CLDN8: variants seen among roughly 807,000 people sequenced by gnomAD.
The protein encoded by CLDN8 is claudin 8.
Under a neutral mutation model 2.2 loss-of-function variants are expected in CLDN8, and 2 were observed. The observed-to-expected ratio is 0.90, with a 90% CI of 0.37 to 2.82. CLDN8 has a LOEUF of 2.82. Among genes scored for constraint, CLDN8 ranks in the 30% most tolerant of loss-of-function variants. The pLI is 0.10. For missense variants in CLDN8, 314 were observed against 280.5 expected, an observed-to-expected ratio of 1.12 and a Z score of -0.85; for synonymous variants, 107 against 104.8, an observed-to-expected ratio of 1.02 and a Z score of -0.13.
At position 30,215,962 on chromosome 21, in the gene CLDN8, G is replaced by C. The variant is rs762573797; in HGVS notation, c.-37C>G. The C allele has an allele frequency of 3.3e-6, 5 of 1,530,612 alleles. No homozygotes were observed. Among genetic ancestry groups the C allele is most frequent in the Non-Finnish European group, 3.5e-6 (4 of 1,130,522 alleles). 94.8% of individuals were successfully genotyped at this position (1,530,612 alleles called of 1,614,324 possible). The stretch of plus-strand genomic sequence containing the variant: ...ATGAGTTTTAGCCAGCTGGACTCCG[G>C]AACTGCTACTTCTGCTTTGAAGCAG... On this transcript the variant is annotated 5_prime_UTR_variant, in exon 1 of 1. Transcript: ENST00000399899.
At position 30,214,013 on chromosome 21, in the gene CLDN8, A is replaced by C. The variant is rs556041936; in HGVS notation, c.*1235T>G. The C allele has an allele frequency of 1.4e-3, 217 of 152,264 alleles. No individual in the cohort carries two copies. The highest frequency in any genetic ancestry group is 4.9e-3 in the African/African-American group (205 of 41,586). The allele number at this position is 152,264 out of a possible 1,614,324, so 9.4% of individuals were successfully genotyped here. A position where few individuals can be genotyped will look rare whatever the true frequency, so the allele number is the denominator to read the frequency against. On this transcript the variant is annotated 3_prime_UTR_variant, in exon 1 of 1. Coordinates refer to ENST00000399899, the MANE Select transcript of CLDN8 (RefSeq NM_199328.3). ...GAGACTTGTGAAAGAATGTCAAATA[A>C]TTAGAAAAATGTACAATTTATTAAT...
chr21:30,215,663 GAAGC>G lies in CLDN8; in HGVS notation c.259_262del (p.Ala87ProfsTer2), dbSNP rs1978951021. The G allele has an allele frequency of 6.2e-7, 1 of 1,614,012 alleles. No individual in the cohort carries two copies. The stretch of plus-strand genomic sequence containing the variant: ...CATGAAAGCCAAGAAGGACATCACG[GAAGC>G]AGCACACATCAGTCCTCTGGCTGCC... On this transcript the variant is annotated frameshift_variant, in exon 1 of 1. Transcript: ENST00000399899. LOFTEE classifies it low-confidence loss of function (END_TRUNC).
rs763174117 is a variant in CLDN8, at chr21:30,215,635, C to T, written c.291G>A (p.Met97Ile). Residue 97 changes from methionine to isoleucine, a missense_variant, in exon 1 of 1, where the codon ATG (methionine) becomes ATA (isoleucine). Coordinates refer to ENST00000399899, the MANE Select transcript of CLDN8 (RefSeq NM_199328.3). ...TGGTGCATTTCATGCCAAGGATGGC[C>T]ATCATGAAAGCCAAGAAGGACATCA... ...ASVMSFLAFMMAILGMKCTRC... is the reference protein window; with the variant it reads ...ASVMSFLAFMIAILGMKCTRC... The T allele has an allele frequency of 6.2e-7, 1 of 1,614,052 alleles. No homozygotes were observed. The highest frequency in any genetic ancestry group is 2.2e-5 in the East Asian group (1 of 44,866).
Position 30,215,340 on chromosome 21 carries a change from T to C in CLDN8, c.586A>G (p.Arg196Gly). The C allele has an allele frequency of 6.2e-7, 1 of 1,614,184 alleles. No individual in the cohort carries two copies. Among genetic ancestry groups the C allele is most frequent in the Non-Finnish European group, 8.5e-7 (1 of 1,180,014 alleles). Residue 196 changes from arginine to glycine, a missense_variant, in exon 1 of 1, where the codon AGA (arginine) becomes GGA (glycine). By Grantham distance (125) the Arg-to-Gly change is moderately radical. Coordinates refer to ENST00000399899, the MANE Select transcript of CLDN8 (RefSeq NM_199328.3). ...GTGCGATGGGAAGGTATCGAGTATC[T>C]GTAGCTACTGCTCTTTTCGTTGCAA... ...FCCNEKSSSY[R>G]YSIPSHRTTQ...
At position 30,215,737 on chromosome 21, in the gene CLDN8, C is replaced by A; in HGVS notation, c.189G>T (p.Gln63His). 1 of 1,614,118 alleles carries A rather than the reference C, an allele frequency of 6.2e-7. No individual in the cohort carries two copies. The highest frequency in any genetic ancestry group is 1.3e-5 in the African/African-American group (1 of 75,014). Residue 63 changes from glutamine (Q) to histidine (H), a missense_variant, in exon 1 of 1, where the codon CAG (glutamine) becomes CAT (histidine). By Grantham distance (24) the Gln-to-His change is conservative (BLOSUM62 0). Coordinates refer to ENST00000399899, the MANE Select transcript of CLDN8 (RefSeq NM_199328.3). ...NCVRQANIRM[Q>H]CKIYDSLLAL... ...CCAGCAGGGAATCATAGATTTTGCA[C>A]TGCATCCTGATGTTAGCCTGCCTCA...
chr21:30,215,304 T>G lies in CLDN8; in HGVS notation c.622A>C (p.Ser208Arg). The change falls in exon 1 of 1, where the codon AGT becomes CGT. Residue 208 changes from serine (S) to arginine (R), a missense_variant. Coordinates refer to ENST00000399899, the MANE Select transcript of CLDN8 (RefSeq NM_199328.3). ...GGTGACTTCTTTCCGGTGTGATAAC[T>G]TTTTTGGGTTGTGCGATGGGAAGGT... ...SIPSHRTTQK[S>R]YHTGKKSPSV... is the part of the protein sequence containing the mutation. 1 of 1,614,130 alleles carries G rather than the reference T, an allele frequency of 6.2e-7. No individual in the cohort carries two copies. The highest frequency in any genetic ancestry group is 8.5e-7 in the Non-Finnish European group (1 of 1,179,970).
Position 30,215,705 on chromosome 21 carries a change from G to GA in CLDN8, c.220dup (p.Ser74PhefsTer39). Reference sequence around the variant, plus strand: ...TCCTCTGGCTGCCTGTAGGTCCGGAGAAAGAGCCAGCAGGGAATCATAGAT... The same window carrying GA: ...TCCTCTGGCTGCCTGTAGGTCCGGAGAAAAGAGCCAGCAGGGAATCATAGAT... On this transcript the variant is annotated frameshift_variant, in exon 1 of 1. Transcript: ENST00000399899. LOFTEE classifies it low-confidence loss of function (END_TRUNC). 6.2e-7 allele frequency: 1 copy of GA among 1,614,112 alleles called. No homozygotes were observed. The highest frequency in any genetic ancestry group is 8.5e-7 in the Non-Finnish European group (1 of 1,180,008).
At position 30,215,863 on chromosome 21, in the gene CLDN8, T is replaced by A; in HGVS notation, c.63A>T (p.Thr21=). The change falls in exon 1 of 1, where the codon ACA becomes ACT. Residue 21 remains threonine, a synonymous_variant. Transcript: ENST00000399899. ...LFLGGVGMVG[T]VAVTVMPQWR... Reference sequence around the variant, plus strand: ...ACTGAGGCATGACAGTGACAGCCACTGTGCCCACCATTCCAACACCACCAA... The same window carrying A: ...ACTGAGGCATGACAGTGACAGCCACAGTGCCCACCATTCCAACACCACCAA... 1 of 1,613,988 alleles carries A rather than the reference T, an allele frequency of 6.2e-7. No individual in the cohort carries two copies. Among genetic ancestry groups the A allele is most frequent in the African/African-American group, 1.3e-5 (1 of 75,036 alleles).
Position 30,215,380 on chromosome 21 carries a change from G to A in CLDN8, c.546C>T (p.Phe182=), listed in dbSNP as rs897788554. 6.2e-7 allele frequency: 1 copy of A among 1,614,022 alleles called. No individual in the cohort carries two copies. The highest frequency in any genetic ancestry group is 1.7e-5 in the Admixed American group (1 of 60,002). The change falls in exon 1 of 1, where the codon TTC becomes TTT. Residue 182 remains phenylalanine (F), a synonymous_variant. Coordinates refer to ENST00000399899, the MANE Select transcript of CLDN8 (RefSeq NM_199328.3). ...TTTCGTTGCAACAAAAAACGCAGCAGAACAGAGCTCCTCCAACAATCAGCA... is the reference window on the plus strand; with the variant it reads ...TTTCGTTGCAACAAAAAACGCAGCAAAACAGAGCTCCTCCAACAATCAGCA... ...ALVLIVGGAL[F]CCVFCCNEKS... is the part of the protein sequence containing the mutation.
Position 30,215,451 on chromosome 21 carries a change from G to T in CLDN8, c.475C>A (p.Arg159Ser). 1.2e-6 allele frequency: 2 copies of T among 1,613,972 alleles called. No individual in the cohort carries two copies. The highest frequency in any genetic ancestry group is 1.7e-6 in the Non-Finnish European group (2 of 1,179,942). Reference sequence around the variant, plus strand: ...AAGTAGAGAGCTTCTCCAAGCTCACGTTTTTGGGCAACATTCACTATTGAG... The same window carrying T: ...AAGTAGAGAGCTTCTCCAAGCTCACTTTTTTGGGCAACATTCACTATTGAG... ...YNSIVNVAQK[R>S]ELGEALYLGW... The change falls in exon 1 of 1, where the codon CGT becomes AGT. Residue 159 changes from arginine (R) to serine (S), a missense_variant. Coordinates refer to ENST00000399899, the MANE Select transcript of CLDN8 (RefSeq NM_199328.3).
At position 30,215,278 on chromosome 21, in the gene CLDN8, C is replaced by T. The variant is rs758781407; in HGVS notation, c.648G>A (p.Pro216=). ...CATACTGACTTCTGGAGTAGACGCT[C>T]GGTGACTTCTTTCCGGTGTGATAAC... ...QKSYHTGKKS[P]SVYSRSQYV is the part of the protein sequence containing the mutation. Residue 216 remains proline (P), a synonymous_variant, in exon 1 of 1, where the codon CCG becomes CCA. Transcript: ENST00000399899. 7 of 1,613,842 alleles carry T rather than the reference C, an allele frequency of 4.3e-6. No homozygotes were observed. The highest frequency in any genetic ancestry group is 2.2e-5 in the East Asian group (1 of 44,876).
Position 30,214,548 on chromosome 21 carries a change from C to G in CLDN8, c.*700G>C, listed in dbSNP as rs952182868. The G allele has an allele frequency of 6.6e-6, 1 of 151,934 alleles. No individual in the cohort carries two copies. The highest frequency in any genetic ancestry group is 1.5e-5 in the Non-Finnish European group (1 of 67,976). 9.4% of individuals were successfully genotyped at this position (151,934 alleles called of 1,614,324 possible). On this transcript the variant is annotated 3_prime_UTR_variant, in exon 1 of 1. Coordinates refer to ENST00000399899, the MANE Select transcript of CLDN8 (RefSeq NM_199328.3). ...GAAAAGCAGTTTGAATGCAAAGCCC[C>G]TTGACAAAATATCTGCTTTTTAAAA... is the stretch of plus-strand genomic sequence containing the variant.
Position 30,216,080 on chromosome 21 carries a change from G to A in CLDN8, c.-155C>T, listed in dbSNP as rs1428390580. On this transcript the variant is annotated 5_prime_UTR_variant, in exon 1 of 1. Coordinates refer to ENST00000399899, the MANE Select transcript of CLDN8 (RefSeq NM_199328.3). Reference sequence around the variant, plus strand: ...AAATAAGAGCTGCTTTGCTACTTCTGGCCAGATAGTATCCAGTGCTGGCTG... The same window carrying A: ...AAATAAGAGCTGCTTTGCTACTTCTAGCCAGATAGTATCCAGTGCTGGCTG... 1.5e-6 allele frequency: 1 copy of A among 684,390 alleles called. No individual in the cohort carries two copies. Among genetic ancestry groups the A allele is most frequent in the Non-Finnish European group, 2.5e-6 (1 of 405,900 alleles). The allele number at this position is 684,390 out of a possible 1,614,324, so 42.4% of individuals were successfully genotyped here.
In CLDN8 at chr21:30,216,087, TAG is replaced by T; in HGVS notation, c.-164_-163del. 3.1e-6 allele frequency: 2 copies of T among 648,156 alleles called. No individual in the cohort carries two copies. Among genetic ancestry groups the T allele is most frequent in the South Asian group, 4.3e-5 (2 of 46,972 alleles). The allele number at this position is 648,156 out of a possible 1,614,324, so 40.2% of individuals were successfully genotyped here. Reference sequence around the variant, plus strand: ...AGCTGCTTTGCTACTTCTGGCCAGATAGTATCCAGTGCTGGCTGGCTGAGATG... The same window carrying T: ...AGCTGCTTTGCTACTTCTGGCCAGATTATCCAGTGCTGGCTGGCTGAGATG... On this transcript the variant is annotated 5_prime_UTR_variant, in exon 1 of 1. Coordinates refer to ENST00000399899, the MANE Select transcript of CLDN8 (RefSeq NM_199328.3).
rs905798069 is a variant in CLDN8, at chr21:30,214,249, G to A, written c.*999C>T. The A allele has an allele frequency of 1.3e-5, 2 of 152,140 alleles. No homozygotes were observed. The highest frequency in any genetic ancestry group is 2.9e-5 in the Non-Finnish European group (2 of 68,002). 9.4% of individuals were successfully genotyped at this position (152,140 alleles called of 1,614,324 possible). ...CAATTTTGACTCAGGTACCCACATA[G>A]GAGCAGGTGAAGTTCTCAAAGGACA... On this transcript the variant is annotated 3_prime_UTR_variant, in exon 1 of 1. Transcript: ENST00000399899.
At position 30,215,803 on chromosome 21, in the gene CLDN8, C is replaced by G. The variant is rs748525098; in HGVS notation, c.123G>C (p.Val41=). ...RVSAFIENNI[V]VFENFWEGLW... is the part of the protein sequence containing the mutation. ...GTCCTTCCCAGAAGTTTTCAAAAAC[C>G]ACGATGTTGTTTTCAATGAAGGCCG... Residue 41 remains valine, a synonymous_variant, in exon 1 of 1, where the codon GTG becomes GTC. Coordinates refer to ENST00000399899, the MANE Select transcript of CLDN8 (RefSeq NM_199328.3). 6.2e-7 allele frequency: 1 copy of G among 1,613,954 alleles called. No individual in the cohort carries two copies. The highest frequency in any genetic ancestry group is 8.5e-7 in the Non-Finnish European group (1 of 1,179,984).
At position 30,215,899 on chromosome 21, in the gene CLDN8, A is replaced by G; in HGVS notation, c.27T>C (p.Ala9=). MATHALEI[A]GLFLGGVGMV... is the part of the protein sequence containing the mutation. ...TTCCAACACCACCAAGAAACAGCCC[A>G]GCGATTTCTAAGGCATGGGTTGCCA... Residue 9 remains alanine, a synonymous_variant, in exon 1 of 1, where the codon GCT becomes GCC. Coordinates refer to ENST00000399899, the MANE Select transcript of CLDN8 (RefSeq NM_199328.3). 6.2e-7 allele frequency: 1 copy of G among 1,609,280 alleles called. No individual in the cohort carries two copies. The highest frequency in any genetic ancestry group is 1.7e-5 in the Admixed American group (1 of 59,396).
In CLDN8 at chr21:30,214,359, A is replaced by G. The variant is rs1036989859; in HGVS notation, c.*889T>C. 6.6e-6 allele frequency: 1 copy of G among 152,148 alleles called. No homozygotes were observed. Among genetic ancestry groups the G allele is most frequent in the African/African-American group, 2.4e-5 (1 of 41,462 alleles). 9.4% of individuals were successfully genotyped at this position (152,148 alleles called of 1,614,324 possible). On this transcript the variant is annotated 3_prime_UTR_variant, in exon 1 of 1. Transcript: ENST00000399899. Reference sequence around the variant, plus strand: ...CTTTTATTTATATTGATGAAACCTCAAAGTCTGTACTCAAATACTTATTAA... The same window carrying G: ...CTTTTATTTATATTGATGAAACCTCGAAGTCTGTACTCAAATACTTATTAA...
At position 30,214,990 on chromosome 21, in the gene CLDN8, T is replaced by A. The variant is rs1601033099; in HGVS notation, c.*258A>T. On this transcript the variant is annotated 3_prime_UTR_variant, in exon 1 of 1. Coordinates refer to ENST00000399899, the MANE Select transcript of CLDN8 (RefSeq NM_199328.3). The stretch of plus-strand genomic sequence containing the variant: ...TTTAGCAATGTCATTTTGAAGTAAA[T>A]GATAAAAAGAGTAGATGCTTGAACC... 2.8e-5 allele frequency: 12 copies of A among 421,662 alleles called. No individual in the cohort carries two copies. The East Asian group carries it at 4.9e-4, about 17-fold the overall frequency. 26.1% of individuals were successfully genotyped at this position (421,662 alleles called of 1,614,324 possible). A position where few individuals can be genotyped will look rare whatever the true frequency, so the allele number is the denominator to read the frequency against.
Sources: gnomAD v4.1 joint callset for allele counts on GRCh38, gnomAD v4.1.1 for gene constraint, MANE v1.5 for transcripts, NCBI Gene and HGNC (gene_info 2026-07-23, HGNC 2026-07-21) for gene names.